Variants in SCARB2 observed in about 807,000 individuals in gnomAD.
SCARB2 encodes lysosome membrane protein 2.
A neutral mutation model predicts 58.6 loss-of-function variants in SCARB2; 29 were observed. The ratio of observed to expected loss-of-function variants is 0.49; its 90% CI spans 0.37 to 0.67. SCARB2 has a LOEUF of 0.67. Ranked by LOEUF, SCARB2 falls within the 30% of genes least tolerant of loss-of-function variation. The probability of loss-of-function intolerance (pLI) is 0.00; values close to 1 mark genes in which losing one functional copy is unlikely to be tolerated. For synonymous variants in SCARB2, 195 were observed against 210.1 expected (o/e 0.93, Z 0.62); for missense variants, 488 against 578.5 (o/e 0.84, Z 1.60).
intron 1 of SCARB2, 133 bp downstream of exon 1, chr4:76,213,294 A>T: frequency 1.1e-5 from 8 of 725,202 alleles, no homozygotes; most frequent in Non-Finnish European, 2.0e-5. Flanking sequence ...GCCCTGGAAG[A>T]CAGGGACGCA....
intron 1 of SCARB2, among the ~76,000 whole-genome samples, chr4:76,199,746 G>A (rs1732791262): frequency 6.6e-6 from 1 of 152,074 alleles, no homozygotes; most frequent in Non-Finnish European, 1.5e-5. Flanking sequence ...AGGAAACTAG[G>A]GCAGCTGCGT....
At chr4:76,172,138 CATAA>C (rs910080289) in intron 7 of SCARB2, among the ~76,000 whole-genome samples, 2 of 148,174 alleles carry the variant, frequency 1.3e-5, no homozygotes, top group South Asian at 2.1e-4. Flanking sequence ...CATATACATA[CATAA>C]ATATATACAT....
At chr4:76,168,020 A>G (rs1329191664) in intron 9 of SCARB2, among the ~76,000 whole-genome samples, 3 of 152,146 alleles carry the variant, frequency 2.0e-5, no homozygotes, top group African/African-American at 7.2e-5. Flanking sequence ...CTAATACACC[A>G]AGAGAGTCAA....
intron 4 of SCARB2, among the ~76,000 whole-genome samples, chr4:76,177,665 T>G (rs1010167671): frequency 4.6e-5 from 7 of 152,062 alleles, no homozygotes; most frequent in African/African-American, 1.7e-4. Flanking sequence ...AAATGTGGTA[T>G]ATCTACACAA....
chr4:76,197,622 A>T (rs547507184), intron 1 of SCARB2, among the ~76,000 whole-genome samples: 41 of 152,330 alleles, frequency 2.7e-4, no homozygotes, highest in African/African-American at 9.9e-4. Flanking sequence ...AGGTTAACAG[A>T]AACCTAACAC....
At chr4:76,224,461 C>G (rs545988878) in intron 1 of SCARB2, among the ~76,000 whole-genome samples, 10 of 152,238 alleles carry the variant, frequency 6.6e-5, no homozygotes, top group African/African-American at 1.9e-4. Flanking sequence ...GAAAAACATT[C>G]CTGTGTTGTA....
At chr4:76,172,344 G>A (rs888976306) in intron 7 of SCARB2, among the ~76,000 whole-genome samples, 3 of 151,666 alleles carry the variant, frequency 2.0e-5, no homozygotes, top group African/African-American at 7.3e-5. Context: ...ATAGCTCACT[G>A]CAGCCTTGAA....
intron 2 of SCARB2, chr4:76,194,332 A>G (rs1426716695): frequency 6.6e-6 from 1 of 152,226 alleles, no homozygotes; most frequent in Non-Finnish European, 1.5e-5. Flanking sequence ...AAGTATCACT[A>G]ATTATGTGCT....
chr4:76,176,182 AC>A, intron 5 of SCARB2: 1 of 603,640 alleles, frequency 1.7e-6, no homozygotes, highest in South Asian at 2.0e-5. Context: ...CTCAATGACT[AC>A]TAAGCAAGAG....
intron 5 of SCARB2, 99 bp from the exon 6 acceptor site, chr4:76,176,009 A>G (rs1732244950): frequency 7.3e-7 from 1 of 1,369,288 alleles, no homozygotes; most frequent in Non-Finnish European, 1.0e-6. Flanking sequence ...GGAGCTGTCT[A>G]TCCACAGTAT....
Position 76,195,876 on chromosome 4 carries a change from C to A in SCARB2, c.118-12G>T, listed in dbSNP as rs753744775. On this transcript the variant is annotated splice_polypyrimidine_tract_variant and intron_variant, in intron 1 of 11. Coordinates refer to ENST00000264896, the MANE Select transcript of SCARB2 (RefSeq NM_005506.4). Reference sequence around the variant, plus strand: ...CTTAACACAATTTTCTAGGAAAAAACCAAAAGGAGATTTACAAAAATGTAA... The same window carrying A: ...CTTAACACAATTTTCTAGGAAAAAAACAAAAGGAGATTTACAAAAATGTAA... 2.4e-5 allele frequency: 39 copies of A among 1,604,322 alleles called. No homozygotes were observed. Among genetic ancestry groups the A allele is most frequent in the African/African-American group, 1.3e-4 (10 of 74,350 alleles).
chr4:76,176,133 TGG>T (rs1732247221), intron 5 of SCARB2: 2 of 624,354 alleles, frequency 3.2e-6, no homozygotes, highest in East Asian at 5.5e-5. Context: ...AAACATGTGG[TGG>T]TTTGAAAAGT....
rs1476352230 is a variant in SCARB2, at chr4:76,168,423, G to C, written c.1167C>G (p.Val389=). ...CTTACACAAAGTCATCTAATTTTTT[G>C]ACATAAATGTTGATTTGGAACCTCT... ...AAKRFQINIY[V]KKLDDFVETG... Residue 389 remains valine, a synonymous_variant, in exon 9 of 12, where the codon GTC becomes GTG. Coordinates refer to ENST00000264896, the MANE Select transcript of SCARB2 (RefSeq NM_005506.4). The C allele has an allele frequency of 1.6e-5, 26 of 1,613,854 alleles. No individual in the cohort carries two copies. Among genetic ancestry groups the C allele is most frequent in the Non-Finnish European group, 2.1e-5 (25 of 1,179,884 alleles).
chr4:76,159,621 C>T lies in SCARB2; in HGVS notation c.*2092G>A. ...CCTGTAGTCCCAGCTACTTGGGTGG[C>T]TGAGGCAGGAGAATTGCTTGAACCC... On this transcript the variant is annotated 3_prime_UTR_variant, in exon 12 of 12. Coordinates refer to ENST00000264896, the MANE Select transcript of SCARB2 (RefSeq NM_005506.4). 6.6e-6 allele frequency: 1 copy of T among 152,350 alleles called. No homozygotes were observed. The highest frequency in any genetic ancestry group is 1.5e-5 in the Non-Finnish European group (1 of 68,126). The allele number at this position is 152,350 out of a possible 1,614,324, so 9.4% of individuals were successfully genotyped here.
upstream of SCARB2, chr4:76,217,773 C>A (rs764983996): frequency 1.2e-4 from 51 of 419,362 alleles, no homozygotes; most frequent in Non-Finnish European, 2.0e-4. Flanking sequence ...TCTCTCTATA[C>A]CTAAAATCAG....
At chr4:76,216,179 C>T (rs1368988984), upstream of SCARB2, among the ~76,000 whole-genome samples, 1 of 152,198 alleles carries the variant, frequency 6.6e-6, no homozygotes, top group Admixed American at 6.5e-5. Context: ...TGTTAAGTTT[C>T]AGTTAGCTAC....
Position 76,161,537 on chromosome 4 carries a change from C to T in SCARB2, c.*176G>A, listed in dbSNP as rs1485849250. On this transcript the variant is annotated 3_prime_UTR_variant, in exon 12 of 12. Coordinates refer to ENST00000264896, the MANE Select transcript of SCARB2 (RefSeq NM_005506.4). ...ACATGATTTTATAAAGCTTAATGGCCAGCCATGTCAGCCTGCTCTTTAACC... is the reference window on the plus strand; with the variant it reads ...ACATGATTTTATAAAGCTTAATGGCTAGCCATGTCAGCCTGCTCTTTAACC... The T allele has an allele frequency of 3.0e-6, 2 of 662,760 alleles. No individual in the cohort carries two copies. The highest frequency in any genetic ancestry group is 5.4e-6 in the Non-Finnish European group (2 of 370,106). The allele number at this position is 662,760 out of a possible 1,614,324, so 41.1% of individuals were successfully genotyped here. A position where few individuals can be genotyped will look rare whatever the true frequency, so the allele number is the denominator to read the frequency against.
At position 76,190,035 on chromosome 4, in the gene SCARB2, G is replaced by A. The variant is rs574896171; in HGVS notation, c.275+5672C>T. On this transcript the variant is annotated intron_variant, in intron 2 of 11. Coordinates refer to ENST00000264896, the MANE Select transcript of SCARB2 (RefSeq NM_005506.4). ...TTTTTTTTTTTTTTTTGAGATGGGGGTCTTACCCTGTTACCCAGGCTGGAG... is the reference window on the plus strand; with the variant it reads ...TTTTTTTTTTTTTTTTGAGATGGGGATCTTACCCTGTTACCCAGGCTGGAG... Among the ~76,000 whole-genome samples, 5 of 150,546 alleles carry A rather than the reference G, an allele frequency of 3.3e-5. No homozygotes were observed. The South Asian group carries it at 1.1e-3, about 32-fold the overall frequency.
At chr4:76,200,131 C>T (rs531155248) in intron 1 of SCARB2, among the ~76,000 whole-genome samples, 49 of 152,294 alleles carry the variant, frequency 3.2e-4, no homozygotes, top group Admixed American at 1.4e-3. Context: ...CTTTGCCAGT[C>T]TGAACAGAAA....
Sources: allele counts gnomAD v4.1 joint callset (sites outside exome capture counted in the v4.1 genomes callset), GRCh38; gene constraint gnomAD v4.1.1; transcripts MANE v1.5; gene names NCBI Gene and HGNC (gene_info 2026-07-23, HGNC 2026-07-21).